CSMD1: variants seen among roughly 807,000 people sequenced by gnomAD.
CSMD1 encodes CUB and sushi domain-containing protein 1.
In CSMD1, 213 loss-of-function variants were observed where a neutral mutation model predicts 417.5. The ratio of observed to expected loss-of-function variants is 0.51; its 90% CI spans 0.46 to 0.57. CSMD1 has a LOEUF of 0.57. Among genes scored for constraint, CSMD1 ranks in the 20% least tolerant of loss-of-function variants. CSMD1 has a pLI of 0.00. For synonymous variants in CSMD1, 2,862 were observed against 1,736.8 expected, an observed-to-expected ratio of 1.65 and a Z score of -16.11; for missense variants, 6,923 against 4,529.7, an observed-to-expected ratio of 1.53 and a Z score of -15.17.
intron 3 of CSMD1, among the ~76,000 whole-genome samples, chr8:4,316,427 G>C (rs369920850): frequency 3.3e-5 from 5 of 152,164 alleles, no homozygotes; most frequent in African/African-American, 1.2e-4. Flanking sequence ...CATATATTAG[G>C]TTGATGTGAA....
intron 1 of CSMD1, among the ~76,000 whole-genome samples, chr8:4,694,392 C>T (rs138677522): frequency 0.013 from 1,933 of 152,114 alleles, 32 homozygotes; most frequent in African/African-American, 0.043. Flanking sequence ...CGCTCTGTCG[C>T]CCAGGCTAGA....
chr8:4,080,984 G>A (rs559226007), intron 3 of CSMD1, among the ~76,000 whole-genome samples: 1 of 152,016 alleles, frequency 6.6e-6, no homozygotes, highest in Non-Finnish European at 1.5e-5. Context: ...TATACAAGAG[G>A]CTTCACACAG....
At chr8:3,680,928 T>G (rs994036848) in intron 7 of CSMD1, among the ~76,000 whole-genome samples, 4 of 152,070 alleles carry the variant, frequency 2.6e-5, no homozygotes, top group African/African-American at 9.7e-5. Context: ...ACAGAACCAA[T>G]GACAAAAACC....
At chr8:3,550,305 C>T (rs138786516) in intron 10 of CSMD1, among the ~76,000 whole-genome samples, 27 of 152,250 alleles carry the variant, frequency 1.8e-4, no homozygotes, top group African/African-American at 6.5e-4. Context: ...CAATAATTCC[C>T]ACCTTTTTGG....
chr8:3,630,267 T>C (rs899019968), intron 7 of CSMD1, among the ~76,000 whole-genome samples: 2 of 152,174 alleles, frequency 1.3e-5, no homozygotes, highest in South Asian at 4.1e-4. Flanking sequence ...TGGACTCTGA[T>C]GCAAAATGAC....
intron 3 of CSMD1, among the ~76,000 whole-genome samples, chr8:4,381,413 C>A (rs375487428): frequency 4.6e-5 from 7 of 152,198 alleles, no homozygotes; most frequent in African/African-American, 1.7e-4. Context: ...ATGAATATTT[C>A]CTGACGTAAA....
At chr8:3,791,784 C>T (rs544954797) in intron 5 of CSMD1, among the ~76,000 whole-genome samples, 2 of 152,086 alleles carry the variant, frequency 1.3e-5, no homozygotes, top group East Asian at 3.9e-4. Context: ...CGTCGCAGCA[C>T]TGCACTCCAG....
chr8:3,758,396 A>C (rs538844535), intron 5 of CSMD1, among the ~76,000 whole-genome samples: 227 of 152,212 alleles, frequency 1.5e-3, no homozygotes, highest in African/African-American at 5.2e-3. Flanking sequence ...TCCTGATTTG[A>C]CCTTTTGCGT....
At chr8:3,317,422 C>T (rs1805845258) in intron 23 of CSMD1, among the ~76,000 whole-genome samples, 3 of 152,184 alleles carry the variant, frequency 2.0e-5, no homozygotes, top group South Asian at 2.1e-4. Flanking sequence ...TCAACATTGA[C>T]ACTCAATCAC....
intron 1 of CSMD1, among the ~76,000 whole-genome samples, chr8:4,639,522 C>G (rs917372163): frequency 1.3e-5 from 2 of 152,122 alleles, no homozygotes; most frequent in Non-Finnish European, 2.9e-5. Context: ...GTCTATGTTT[C>G]TTACCTTCTT....
chr8:4,070,403 G>T (rs1011669069), intron 3 of CSMD1, among the ~76,000 whole-genome samples: 2 of 152,088 alleles, frequency 1.3e-5, no homozygotes, highest in African/African-American at 4.8e-5. Flanking sequence ...TGTCGCCCAG[G>T]CTGGAGTGCA....
At chr8:3,460,094 G>C (rs1043222458) in intron 12 of CSMD1, among the ~76,000 whole-genome samples, 4 of 152,124 alleles carry the variant, frequency 2.6e-5, no homozygotes, top group African/African-American at 4.8e-5. Flanking sequence ...TGGGAAGAAA[G>C]GCAATTAAAC....
intron 3 of CSMD1, among the ~76,000 whole-genome samples, chr8:4,280,733 G>C (rs554162982): frequency 1.3e-5 from 2 of 152,182 alleles, no homozygotes; most frequent in Admixed American, 6.5e-5. Flanking sequence ...AAATATAATT[G>C]TACTTTCCTA....
chr8:4,126,019 G>A (rs1802743794), intron 3 of CSMD1, among the ~76,000 whole-genome samples: 1 of 152,124 alleles, frequency 6.6e-6, no homozygotes, highest in Admixed American at 6.5e-5. Context: ...TGCACTCCAT[G>A]GATCAGCTGA....
intron 3 of CSMD1, among the ~76,000 whole-genome samples, chr8:4,357,298 T>C (rs1050700196): frequency 6.6e-6 from 1 of 152,230 alleles, no homozygotes; most frequent in African/African-American, 2.4e-5. Context: ...GCCATTGTGC[T>C]TTCTCACATT....
Position 3,159,926 on chromosome 8 carries a change from G to T in CSMD1, c.5845-1960C>A, listed in dbSNP as rs1046254524. Among the ~76,000 whole-genome samples the T allele has an allele frequency of 7.2e-5, 11 of 152,120 alleles. No individual in the cohort carries two copies. In the South Asian group the frequency reaches 1.7e-3, roughly 23 times the overall value. On this transcript the variant is annotated intron_variant, in intron 38 of 69. Transcript: ENST00000635120. Reference sequence around the variant, plus strand: ...CAGAATCTGCAAAGTCTCACCATCAGGTAGAAAGAAGAGGAACATCGATGA... The same window carrying T: ...CAGAATCTGCAAAGTCTCACCATCATGTAGAAAGAAGAGGAACATCGATGA...
At chr8:4,028,516 A>C (rs1017499611) in intron 4 of CSMD1, among the ~76,000 whole-genome samples, 1 of 152,320 alleles carries the variant, frequency 6.6e-6, no homozygotes, top group Non-Finnish European at 1.5e-5. Context: ...AGGAAAAAAA[A>C]ATAGGCAAAT....
chr8:2,986,236 T>C (rs962569573), intron 54 of CSMD1, among the ~76,000 whole-genome samples: 6 of 152,246 alleles, frequency 3.9e-5, no homozygotes, highest in African/African-American at 1.4e-4. Context: ...GAGGACTCAC[T>C]GTCTGCCAGG....
intron 49 of CSMD1, among the ~76,000 whole-genome samples, chr8:3,084,811 T>C (rs1379247392): frequency 6.6e-6 from 1 of 151,994 alleles, no homozygotes; most frequent in African/African-American, 2.4e-5. Context: ...ATTTTAAAGG[T>C]TTAATTTTGT....
Sources: allele counts gnomAD v4.1 joint callset (sites outside exome capture counted in the v4.1 genomes callset), GRCh38; gene constraint gnomAD v4.1.1; transcripts MANE v1.5; gene names NCBI Gene and HGNC (gene_info 2026-07-23, HGNC 2026-07-21).